Variants in CRISP1 observed in about 807,000 individuals in gnomAD.
CRISP1 encodes the protein cysteine-rich secretory protein 1.
A neutral mutation model predicts 33.1 loss-of-function variants in CRISP1; 44 were observed. That is an observed-to-expected ratio of 1.33 (90% CI 1.05 to 1.71). The LOEUF (loss-of-function observed/expected upper bound fraction) is 1.71, where lower values mean the gene tolerates loss of function less well. Among genes scored for constraint, CRISP1 ranks in the 40% most tolerant of loss-of-function variants. CRISP1 has a pLI of 0.00. For synonymous variants in CRISP1, 103 were observed against 98.7 expected, an observed-to-expected ratio of 1.04 and a Z score of -0.26; for missense variants, 390 against 301.2, an observed-to-expected ratio of 1.29 and a Z score of -2.18.
chr6:49,870,019 C>T (rs1186830225), upstream of CRISP1, among the ~76,000 whole-genome samples: 1 of 152,148 alleles, frequency 6.6e-6, no homozygotes, highest in Non-Finnish European at 1.5e-5. Flanking sequence ...GCTCTTTGAT[C>T]TTGGACTTCC....
intron 1 of CRISP1, among the ~76,000 whole-genome samples, chr6:49,875,040 T>C (rs1183681077): frequency 6.6e-6 from 1 of 151,876 alleles, no homozygotes; most frequent in Non-Finnish European, 1.5e-5. Flanking sequence ...ATTCAACATA[T>C]TATTGGAAAT....
At chr6:49,859,685 C>G (rs968301569) in intron 1 of CRISP1, among the ~76,000 whole-genome samples, 1 of 151,928 alleles carries the variant, frequency 6.6e-6, no homozygotes, top group African/African-American at 2.4e-5. Context: ...AACTACCTAA[C>G]CACCATGATA....
intron 1 of CRISP1, among the ~76,000 whole-genome samples, chr6:49,875,845 T>C (rs974558675): frequency 2.0e-5 from 3 of 152,118 alleles, no homozygotes; most frequent in African/African-American, 7.2e-5. Flanking sequence ...GCTAGCCATA[T>C]GCAGGAAATT....
intron 4 of CRISP1, 49 bp downstream of exon 4, chr6:49,848,160 A>AT (rs373553362): frequency 0.048 from 43,597 of 911,668 alleles, 127 homozygotes; most frequent in Middle Eastern, 0.073. Flanking sequence ...CTGTTTTACT[A>AT]TTTTTTTTTT....
At chr6:49,871,888 G>A (rs1294854665) in intron 1 of CRISP1, among the ~76,000 whole-genome samples, 1 of 152,024 alleles carries the variant, frequency 6.6e-6, no homozygotes, top group East Asian at 1.9e-4. Context: ...ATAGCAGCAT[G>A]ATTTATAATC....
intron 1 of CRISP1, among the ~76,000 whole-genome samples, chr6:49,859,974 A>G (rs1291184889): frequency 6.6e-6 from 1 of 152,144 alleles, no homozygotes; most frequent in East Asian, 1.9e-4. Flanking sequence ...AGTTTATCTT[A>G]TAGCTATAAG....
upstream of CRISP1, among the ~76,000 whole-genome samples, chr6:49,867,179 C>CA (rs1317601267): frequency 1.3e-5 from 2 of 152,044 alleles, no homozygotes; most frequent in Non-Finnish European, 2.9e-5. Context: ...ATTTGAGTCA[C>CA]ATGATGAGAA....
intron 4 of CRISP1, among the ~76,000 whole-genome samples, chr6:49,847,441 A>G (rs1771213893): frequency 6.6e-6 from 1 of 151,932 alleles, no homozygotes; most frequent in Non-Finnish European, 1.5e-5. Flanking sequence ...CTGGTTGTTT[A>G]AAAGTATGTG....
rs140759180 is a variant in CRISP1 at position 49,876,621 on chromosome 6, C to T, written c.-3+388G>A. Among the ~76,000 whole-genome samples, 32 of 151,928 alleles carry T rather than the reference C, an allele frequency of 2.1e-4. 1 individual carries two copies. Among genetic ancestry groups the T allele is most frequent in the South Asian group, 8.3e-4 (4 of 4,818 alleles). On this transcript the variant is annotated intron_variant, in intron 1 of 7. Coordinates refer to the CRISP1 transcript ENST00000505118. ...GCAGCACTATTCTTAACAGCAAAGA[C>T]GTAAAATCAACTTAAATGCCCATCA...
At chr6:49,838,746 C>T (rs1770887236) in intron 6 of CRISP1, among the ~76,000 whole-genome samples, 1 of 152,068 alleles carries the variant, frequency 6.6e-6, no homozygotes, top group Non-Finnish European at 1.5e-5. Context: ...ATTTTTCAGT[C>T]AATGTGCACA....
intron 3 of CRISP1, among the ~76,000 whole-genome samples, 181 bp from the exon 4 acceptor site, chr6:49,848,480 T>C (rs1771255488): frequency 6.6e-6 from 1 of 152,180 alleles, no homozygotes. Flanking sequence ...CAATTTATTA[T>C]GTTGGCCCTT....
At chr6:49,843,939 G>A (rs1472364125) in intron 5 of CRISP1, among the ~76,000 whole-genome samples, 1 of 152,136 alleles carries the variant, frequency 6.6e-6, no homozygotes, top group Non-Finnish European at 1.5e-5. Context: ...TTTTGTGGAA[G>A]GCAGAAGTTG....
chr6:49,858,279 A>G (rs1391018942), intron 1 of CRISP1, among the ~76,000 whole-genome samples: 1 of 152,186 alleles, frequency 6.6e-6, no homozygotes, highest in African/African-American at 2.4e-5. Flanking sequence ...ACTCTAGGAT[A>G]TTAATAAGTA....
chr6:49,844,571 C>T (rs1771096808), intron 5 of CRISP1, among the ~76,000 whole-genome samples: 1 of 151,962 alleles, frequency 6.6e-6, no homozygotes, highest in Non-Finnish European at 1.5e-5. Flanking sequence ...GATGAGGCTG[C>T]CTCACTGAGC....
upstream of CRISP1, among the ~76,000 whole-genome samples, chr6:49,868,247 G>C (rs1771843870): frequency 3.3e-5 from 5 of 152,118 alleles, no homozygotes; most frequent in African/African-American, 1.2e-4. Flanking sequence ...CCAGTTGGCT[G>C]TTTCTGTTCA....
chr6:49,853,763 C>T (rs1472872949), intron 2 of CRISP1, among the ~76,000 whole-genome samples: 1 of 152,100 alleles, frequency 6.6e-6, no homozygotes, highest in Non-Finnish European at 1.5e-5. Flanking sequence ...CACAACTCTC[C>T]TTTTGCAATA....
chr6:49,865,994 G>A (rs769781734), intron 1 of CRISP1, among the ~76,000 whole-genome samples: 4 of 151,982 alleles, frequency 2.6e-5, no homozygotes, highest in Non-Finnish European at 4.4e-5. Context: ...AGCAACTCCC[G>A]AAAACAAAAT....
intron 3 of CRISP1, among the ~76,000 whole-genome samples, chr6:49,849,081 C>G (rs1771272184): frequency 6.6e-6 from 1 of 152,074 alleles, no homozygotes; most frequent in African/African-American, 2.4e-5. Flanking sequence ...TGAGTTGAAG[C>G]ATTTGGTCAG....
chr6:49,853,116 T>C (rs1771400085), intron 2 of CRISP1, among the ~76,000 whole-genome samples: 1 of 152,128 alleles, frequency 6.6e-6, no homozygotes, highest in South Asian at 2.1e-4. Context: ...AAGACTCCTC[T>C]AGAGACTGTC....
Sources: allele counts gnomAD v4.1 joint callset (sites outside exome capture counted in the v4.1 genomes callset), GRCh38; gene constraint gnomAD v4.1.1; transcripts MANE v1.5; gene names NCBI Gene and HGNC (gene_info 2026-07-23, HGNC 2026-07-21).